Variants in ZFHX3 observed in about 807,000 individuals in gnomAD.
ZFHX3 encodes the protein zinc finger homeobox 3, also known as zinc finger homeobox protein 3.
ZFHX3 carries 42 observed loss-of-function variants against 279.1 expected under a neutral mutation model. The ratio of observed to expected loss-of-function variants is 0.15; its 90% CI spans 0.12 to 0.19. The LOEUF (loss-of-function observed/expected upper bound fraction) is 0.19, where lower values mean the gene tolerates loss of function less well. Ranked by LOEUF, ZFHX3 falls within the 10% of genes least tolerant of loss-of-function variation. The probability of loss-of-function intolerance (pLI) is 1.00; values close to 1 mark genes in which losing one functional copy is unlikely to be tolerated. For synonymous variants in ZFHX3, 2,293 were observed against 1,957.8 expected, an observed-to-expected ratio of 1.17 and a Z score of -4.52; for missense variants, 4,981 against 4,754.0, an observed-to-expected ratio of 1.05 and a Z score of -1.40.
intron 4 of ZFHX3, among the ~76,000 whole-genome samples, chr16:72,839,074 T>G (rs941048674): frequency 2.6e-5 from 4 of 152,168 alleles, no homozygotes; most frequent in South Asian, 2.1e-4. Flanking sequence ...GAGCCATGAT[T>G]GTTGCTGTTA....
intron 8 of ZFHX3, among the ~76,000 whole-genome samples, chr16:73,085,996 A>AAAAAAAAAAAAAAAAAAAT (rs1966008177): frequency 6.6e-6 from 1 of 151,684 alleles, no homozygotes; most frequent in Admixed American, 6.6e-5. Context: ...AAAAAAAAAA[A>AAAAAAAAAAAAAAAAAAAT]AAAAAAAAAA....
At chr16:73,705,650 A>T (rs1173928585) in intron 1 of ZFHX3, among the ~76,000 whole-genome samples, 3 of 152,168 alleles carry the variant, frequency 2.0e-5, no homozygotes, top group Admixed American at 6.5e-5. Flanking sequence ...TTCTAAACCC[A>T]TACTCACTGA....
chr16:73,664,659 G>A (rs185887512), intron 2 of ZFHX3, among the ~76,000 whole-genome samples: 3 of 152,056 alleles, frequency 2.0e-5, no homozygotes, highest in East Asian at 1.9e-4. Context: ...CAATATACCC[G>A]GTGTCATTTA....
chr16:72,885,646 C>T (rs1460438288), intron 4 of ZFHX3, among the ~76,000 whole-genome samples: 2 of 152,158 alleles, frequency 1.3e-5, no homozygotes, highest in Non-Finnish European at 2.9e-5. Flanking sequence ...CATCTAGATA[C>T]CTGTAGGAGG....
intron 3 of ZFHX3, among the ~76,000 whole-genome samples, chr16:73,325,928 A>ACAAAAACACACACACACAC (rs1567451240): frequency 8.9e-5 from 13 of 145,492 alleles, no homozygotes; most frequent in East Asian, 8.2e-4. Flanking sequence ...CACACACACA[A>ACAAAAACACACACACACAC]ACACACACAC....
intron 1 of ZFHX3, among the ~76,000 whole-genome samples, chr16:73,682,924 G>GAC (rs766109523): frequency 2.3e-5 from 1 of 43,474 alleles, no homozygotes; most frequent in African/African-American, 7.6e-5. Context: ...AAGAGAGAAA[G>GAC]AGAAAGAAAG....
At chr16:73,866,693 A>G (rs1277857125) in intron 1 of ZFHX3, among the ~76,000 whole-genome samples, 1 of 152,212 alleles carries the variant, frequency 6.6e-6, no homozygotes, top group Non-Finnish European at 1.5e-5. Flanking sequence ...ATTATGTTCC[A>G]GTTGGGCTTC....
chr16:73,784,795 AAATAT>A (rs1362683540), intron 1 of ZFHX3, among the ~76,000 whole-genome samples: 3 of 120,030 alleles, frequency 2.5e-5, no homozygotes, highest in African/African-American at 9.5e-5. Flanking sequence ...ATAAAAAAAA[AAATAT>A]ATATATATAT....
chr16:73,715,738 A>C (rs1003629260), intron 1 of ZFHX3, among the ~76,000 whole-genome samples: 2 of 151,438 alleles, frequency 1.3e-5, no homozygotes, highest in Non-Finnish European at 2.9e-5. Flanking sequence ...TGCCCTGCTA[A>C]TTTTTTTGTA....
intron 3 of ZFHX3, among the ~76,000 whole-genome samples, chr16:73,390,243 A>C (rs1037317530): frequency 2.6e-5 from 4 of 152,010 alleles, no homozygotes; most frequent in African/African-American, 9.7e-5. Flanking sequence ...TATCCCTCTT[A>C]AACTTAGAAA....
chr16:73,806,912 G>C (rs1210399497), intron 1 of ZFHX3, among the ~76,000 whole-genome samples: 2 of 152,134 alleles, frequency 1.3e-5, no homozygotes, highest in Admixed American at 6.5e-5. Flanking sequence ...CAGCAGATCT[G>C]AGGCTAACTC....
intron 8 of ZFHX3, among the ~76,000 whole-genome samples, chr16:73,074,678 T>A (rs1965865610): frequency 6.7e-6 from 1 of 148,234 alleles, no homozygotes; most frequent in South Asian, 2.2e-4. Context: ...CATACAGACA[T>A]GCTTAACCAA....
At chr16:73,555,929 T>G (rs1444892205) in intron 2 of ZFHX3, among the ~76,000 whole-genome samples, 1 of 152,100 alleles carries the variant, frequency 6.6e-6, no homozygotes, top group African/African-American at 2.4e-5. Context: ...GAAATTAAAT[T>G]ACATTTTGTT....
chr16:72,952,740 G>A (rs776393894), intron 2 of ZFHX3, among the ~76,000 whole-genome samples: 1 of 152,150 alleles, frequency 6.6e-6, no homozygotes, highest in Non-Finnish European at 1.5e-5. Context: ...TGCATAAACC[G>A]GGTACAAGCT....
intron 2 of ZFHX3, among the ~76,000 whole-genome samples, chr16:73,571,195 G>A (rs1444381646): frequency 6.6e-6 from 1 of 151,740 alleles, no homozygotes; most frequent in Non-Finnish European, 1.5e-5. Flanking sequence ...TTAAGAAATT[G>A]TTGATAGAAA....
At chr16:73,108,720 G>A (rs572620841) in intron 7 of ZFHX3, among the ~76,000 whole-genome samples, 2 of 152,180 alleles carry the variant, frequency 1.3e-5, no homozygotes, top group Non-Finnish European at 1.5e-5. Flanking sequence ...TCTCCACTGT[G>A]GTTCTAACAG....
intron 1 of ZFHX3, among the ~76,000 whole-genome samples, chr16:73,806,659 G>T (rs1175365543): frequency 6.6e-6 from 1 of 152,146 alleles, no homozygotes; most frequent in Non-Finnish European, 1.5e-5. Context: ...AGGTCTCAAG[G>T]CCTCCCCACT....
intron 1 of ZFHX3, among the ~76,000 whole-genome samples, chr16:73,863,140 A>C (rs1961924898): frequency 6.6e-6 from 1 of 152,188 alleles, no homozygotes; most frequent in Non-Finnish European, 1.5e-5. Flanking sequence ...CGGGAGGCGG[A>C]GGTTGCAGTG....
chr16:73,804,784 C>T (rs1162484905), intron 1 of ZFHX3, among the ~76,000 whole-genome samples: 1 of 151,778 alleles, frequency 6.6e-6, no homozygotes, highest in Non-Finnish European at 1.5e-5. Context: ...TCTAACATCA[C>T]TGCAAAGTCA....
Sources: allele counts gnomAD v4.1 joint callset (sites outside exome capture counted in the v4.1 genomes callset), GRCh38; gene constraint gnomAD v4.1.1; transcripts MANE v1.5; gene names NCBI Gene and HGNC (gene_info 2026-07-23, HGNC 2026-07-21).